FKBP11: variants seen among roughly 807,000 people sequenced by gnomAD.
FKBP11 encodes the protein FKBP prolyl isomerase 11.
In FKBP11, 21 loss-of-function variants were observed where a neutral mutation model predicts 24.7. The observed-to-expected ratio is 0.85, with a 90% confidence interval of 0.60 to 1.23. The LOEUF (loss-of-function observed/expected upper bound fraction) is 1.23. FKBP11 is among the 50% of genes most tolerant of loss of function. FKBP11 has a pLI of 0.00. For synonymous variants in FKBP11, 106 were observed against 100.6 expected, an observed-to-expected ratio of 1.05 and a Z score of -0.32; for missense variants, 245 against 248.7, an observed-to-expected ratio of 0.99 and a Z score of 0.10.
At chr12:48,934,945 A>C in the FKBP11 span, among the ~76,000 whole-genome samples, 2 of 145,130 alleles carry the variant, frequency 1.4e-5, no homozygotes. Flanking sequence ...CCGGGAGCCC[A>C]GGAGGAGAGG....
intron 3 of FKBP11, 55 bp from the exon 4 acceptor site, chr12:48,924,311 T>C (rs1939903784): frequency 2.5e-6 from 4 of 1,607,760 alleles, no homozygotes; most frequent in South Asian, 1.1e-5. Flanking sequence ...CCAAATCCCA[T>C]GACATGAAGA....
chr12:48,923,567 G>A (rs1449326004), intron 5 of FKBP11: 3 of 1,551,604 alleles, frequency 1.9e-6, no homozygotes, highest in African/African-American at 2.7e-5. Context: ...GGCTGCTGGA[G>A]GTCATGCCAG....
At chr12:48,933,716 T>A in the FKBP11 span, among the ~76,000 whole-genome samples, 1 of 121,730 alleles carries the variant, frequency 8.2e-6, no homozygotes. Context: ...AAAAAAAAAA[T>A]TAGCAGGGAG....
chr12:48,924,636 C>T lies in FKBP11; in HGVS notation c.208G>A (p.Asp70Asn). ...AGGGAGGTGTCAATAATACGTCCATCTACCAAGCTTCCCTGGGGGGAGAGA... is the reference window on the plus strand; with the variant it reads ...AGGGAGGTGTCAATAATACGTCCATTTACCAAGCTTCCCTGGGGGGAGAGA... ...LHIHYTGSLVDGRIIDTSLTR... is the reference protein window; with the variant it reads ...LHIHYTGSLVNGRIIDTSLTR... The change falls in exon 3 of 6, where the codon GAT (aspartate) becomes AAT (asparagine). Residue 70 changes from aspartate (D) to asparagine (N), a missense_variant. By Grantham distance (23) the Asp-to-Asn change is conservative. Transcript: ENST00000550765. 1 of 1,614,076 alleles carries T rather than the reference C, an allele frequency of 6.2e-7. No homozygotes were observed. The highest frequency in any genetic ancestry group is 1.1e-5 in the South Asian group (1 of 91,076).
At chr12:48,925,650 G>C (rs1053236077), upstream of FKBP11, 2 of 595,778 alleles carry the variant, frequency 3.4e-6, no homozygotes, top group Non-Finnish European at 5.9e-6. Flanking sequence ...GAGGGCGCAG[G>C]TTCTGACGCA....
At chr12:48,923,422 G>T (rs956239477) in intron 5 of FKBP11, 11 of 1,436,734 alleles carry the variant, frequency 7.7e-6, no homozygotes, top group African/African-American at 5.0e-5. Flanking sequence ...AGGAAGGGGT[G>T]GGGGGTGGCT....
the FKBP11 span, among the ~76,000 whole-genome samples, chr12:48,935,147 G>A: frequency 6.6e-6 from 1 of 152,066 alleles, no homozygotes; most frequent in African/African-American, 2.4e-5. Context: ...TGATCTTGAG[G>A]AGTAGGTGGG....
In FKBP11 at chr12:48,922,196, C is replaced by T. The variant is rs1219682686; in HGVS notation, c.394G>A (p.Ala132Thr). Residue 132 changes from alanine (A) to threonine (T), a missense_variant, in exon 6 of 6, where the codon GCA becomes ACA. By Grantham distance (58) the Ala-to-Thr change is moderately conservative. Coordinates refer to ENST00000550765, the MANE Select transcript of FKBP11 (RefSeq NM_016594.3). ...RGFPPSVPAD[A>T]VVQYDVELIA... ...AGCTCCACGTCATACTGCACCACTG[C>T]ATCCGCTGGAGAGGCAGAGGGGTGG... is the stretch of plus-strand genomic sequence containing the variant. 12 of 1,611,290 alleles carry T rather than the reference C, an allele frequency of 7.4e-6. No homozygotes were observed. Among genetic ancestry groups the T allele is most frequent in the Non-Finnish European group, 7.6e-6 (9 of 1,178,044 alleles).
intron 4 of FKBP11, 132 bp from the exon 5 acceptor site, chr12:48,923,984 A>G: frequency 1.0e-6 from 1 of 995,900 alleles, no homozygotes; most frequent in East Asian, 2.4e-5. Flanking sequence ...CCTGAACACC[A>G]AACAGGCTGG....
the FKBP11 span, among the ~76,000 whole-genome samples, chr12:48,935,048 A>C: frequency 6.6e-5 from 10 of 151,392 alleles, no homozygotes; most frequent in Admixed American, 6.6e-4. Context: ...AAGAAGAAGA[A>C]GAAAGAAAAC....
chr12:48,923,055 G>A, intron 5 of FKBP11: 1 of 791,546 alleles, frequency 1.3e-6, no homozygotes. Context: ...GGCTGAGACA[G>A]GAGAATTGCT....
the FKBP11 span, among the ~76,000 whole-genome samples, chr12:48,935,018 C>CG: frequency 2.3e-5 from 2 of 87,534 alleles, no homozygotes; most frequent in African/African-American, 9.6e-5. Context: ...AATTCCGTCT[C>CG]AAAAAAAAAA....
At chr12:48,933,644 T>A in the FKBP11 span, among the ~76,000 whole-genome samples, 1 of 147,776 alleles carries the variant, frequency 6.8e-6, no homozygotes, top group African/African-American at 2.5e-5. Context: ...GAGGTTGCAG[T>A]GAGCCGAGAT....
At chr12:48,934,952 G>A in the FKBP11 span, among the ~76,000 whole-genome samples, 15 of 147,222 alleles carry the variant, frequency 1.0e-4, no homozygotes, top group African/African-American at 3.6e-4. Context: ...CCCAGGAGGA[G>A]AGGCTGTGGT....
chr12:48,934,334 C>A, the FKBP11 span, among the ~76,000 whole-genome samples: 2 of 152,206 alleles, frequency 1.3e-5, no homozygotes, highest in Non-Finnish European at 2.9e-5. Context: ...GGGAAGCTCC[C>A]TTGCCCAGAT....
chr12:48,934,976 G>A, the FKBP11 span, among the ~76,000 whole-genome samples: 2 of 138,792 alleles, frequency 1.4e-5, no homozygotes, highest in Admixed American at 1.5e-4. Context: ...CCGATATCGT[G>A]CCATTGCCCT....
chr12:48,922,787 G>A, intron 5 of FKBP11: 1 of 1,004,426 alleles, frequency 1.0e-6, no homozygotes, highest in Non-Finnish European at 1.2e-6. Flanking sequence ...AGGGCTTTGG[G>A]TAAAAGTTTC....
upstream of FKBP11, among the ~76,000 whole-genome samples, chr12:48,929,123 G>A (rs1008837948): frequency 5.3e-5 from 8 of 150,812 alleles, no homozygotes; most frequent in South Asian, 4.3e-4. Context: ...CACCGCGCCC[G>A]GCCTTTAAAC....
In FKBP11 at chr12:48,924,703, G is replaced by A. The variant is rs532572131; in HGVS notation, c.196-55C>T. ...TCTAGCACCCTCTCCCTCCCAGCAG[G>A]CGCGCAACACACACCTGGACCGCTG... is the stretch of plus-strand genomic sequence containing the variant. On this transcript the variant is annotated intron_variant, in intron 2 of 5. Coordinates refer to ENST00000550765, the MANE Select transcript of FKBP11 (RefSeq NM_016594.3). The A allele has an allele frequency of 2.2e-5, 35 of 1,594,664 alleles. No individual in the cohort carries two copies. The East Asian group carries it at 6.0e-4, about 27-fold the overall frequency.
Sources: allele counts gnomAD v4.1 joint callset (sites outside exome capture counted in the v4.1 genomes callset), GRCh38; gene constraint gnomAD v4.1.1; transcripts MANE v1.5; gene names NCBI Gene and HGNC (gene_info 2026-07-23, HGNC 2026-07-21).